UGT2B4: variants seen among roughly 807,000 people sequenced by gnomAD.
The protein encoded by UGT2B4 is UDP-glucuronosyltransferase 2B4.
Under a neutral mutation model 49.8 loss-of-function variants are expected in UGT2B4, and 49 were observed. The observed-to-expected ratio is 0.98, with a 90% confidence interval of 0.78 to 1.25. The LOEUF (loss-of-function observed/expected upper bound fraction) is 1.25. Among genes scored for constraint, UGT2B4 ranks in the 50% most tolerant of loss-of-function variants. The pLI, the probability that UGT2B4 is intolerant of heterozygous loss-of-function variation, is 0.00. For synonymous variants in UGT2B4, 246 were observed against 217.7 expected (o/e 1.13, Z -1.14); for missense variants, 729 against 627.7 (o/e 1.16, Z -1.73).
chr4:69,492,021 A>G (rs1177094891), intron 2 of UGT2B4, among the ~76,000 whole-genome samples: 3 of 152,120 alleles, frequency 2.0e-5, no homozygotes, highest in Non-Finnish European at 1.5e-5. Flanking sequence ...GGTGATATCA[A>G]TTTAAAATAT....
Position 69,486,209 on chromosome 4 carries a change from G to T in UGT2B4, c.1090+400C>A, listed in dbSNP as rs530087751. 3.9e-5 allele frequency among the ~76,000 whole-genome samples: 6 copies of T among 152,246 alleles called. No homozygotes were observed. The South Asian group carries it at 1.2e-3, about 32-fold the overall frequency. On this transcript the variant is annotated intron_variant, in intron 4 of 5. Coordinates refer to ENST00000305107, the MANE Select transcript of UGT2B4 (RefSeq NM_021139.3). ...TCATCACTTTTTGATTAAGATTAGG[G>T]ATTTAATCCTACAGAAAATGCAGCA...
intron 1 of UGT2B4, 85 bp from the exon 2 acceptor site, chr4:69,493,926 G>C: frequency 3.4e-6 from 5 of 1,459,278 alleles, no homozygotes; most frequent in Non-Finnish European, 3.6e-6. Flanking sequence ...AATAATGTGG[G>C]CAAAAATGTA....
At chr4:69,502,130 T>TTTC (rs1577895691) in intron 1 of UGT2B4, among the ~76,000 whole-genome samples, 3 of 143,182 alleles carry the variant, frequency 2.1e-5, no homozygotes, top group Non-Finnish European at 3.0e-5. Flanking sequence ...TCTTTCTTTC[T>TTTC]TTCTTTCTTT....
intron 5 of UGT2B4, among the ~76,000 whole-genome samples, chr4:69,484,908 T>C (rs1296878042): frequency 6.6e-6 from 1 of 152,184 alleles, no homozygotes; most frequent in East Asian, 1.9e-4. Context: ...GTCAAGTTTA[T>C]CTTTCCTTTC....
chr4:69,512,551 G>A (rs1728632552), intron 1 of UGT2B4, among the ~76,000 whole-genome samples: 1 of 152,044 alleles, frequency 6.6e-6, no homozygotes, highest in African/African-American at 2.4e-5. Flanking sequence ...TTTGCTTTGT[G>A]ACTTAACGTG....
intron 3 of UGT2B4, 53 bp downstream of exon 3, chr4:69,489,386 C>T: frequency 1.9e-6 from 3 of 1,595,432 alleles, no homozygotes; most frequent in South Asian, 2.2e-5. Flanking sequence ...TCTTTACAAA[C>T]TTTAACAGCC....
intron 1 of UGT2B4, among the ~76,000 whole-genome samples, chr4:69,516,812 T>G (rs983866563): frequency 6.6e-6 from 1 of 152,084 alleles, no homozygotes; most frequent in East Asian, 1.9e-4. Context: ...TTTGCCATGA[T>G]GGCCAGGCTG....
At chr4:69,489,730 T>A (rs1444563083) in intron 2 of UGT2B4, among the ~76,000 whole-genome samples, 160 bp from the exon 3 acceptor site, 1 of 152,124 alleles carries the variant, frequency 6.6e-6, no homozygotes, top group Non-Finnish European at 1.5e-5. Flanking sequence ...TTTTGCAATA[T>A]GTATAATATG....
intron 5 of UGT2B4, among the ~76,000 whole-genome samples, chr4:69,483,721 C>T (rs1046042828): frequency 5.3e-5 from 8 of 151,868 alleles, no homozygotes; most frequent in African/African-American, 1.9e-4. Flanking sequence ...GTTATGAATG[C>T]TGAATTGATA....
chr4:69,500,620 A>AGAAG (rs1728287001), upstream of UGT2B4, among the ~76,000 whole-genome samples: 1 of 128,988 alleles, frequency 7.8e-6, no homozygotes, highest in Non-Finnish European at 1.8e-5. Flanking sequence ...AAAGAAAGAA[A>AGAAG]GAAAGAAAGA....
At chr4:69,493,183 A>G (rs1379366604) in intron 2 of UGT2B4, among the ~76,000 whole-genome samples, 3 of 151,922 alleles carry the variant, frequency 2.0e-5, no homozygotes, top group East Asian at 1.9e-4. Flanking sequence ...CTATTCCTGC[A>G]TATAGTTCAG....
At chr4:69,525,759 C>T (rs769292507) in exon 1 of UGT2B4, 1 of 1,247,164 alleles carries the variant, frequency 8.0e-7, no homozygotes, top group South Asian at 1.3e-5. Context: ...TCAAGCAGCT[C>T]ACATGTTTAT....
intron 1 of UGT2B4, among the ~76,000 whole-genome samples, chr4:69,516,451 A>G (rs1728736004): frequency 6.6e-6 from 1 of 152,184 alleles, no homozygotes. Context: ...TCCCACCAGC[A>G]GTATAAAAGT....
upstream of UGT2B4, among the ~76,000 whole-genome samples, chr4:69,500,669 G>GAAAGAAAGAAAGAAAGAAAGA (rs1194966473): frequency 9.3e-6 from 1 of 107,054 alleles, no homozygotes; most frequent in African/African-American, 2.9e-5. Flanking sequence ...AAGAAAGAAA[G>GAAAGAAAGAAAGAAAGAAAGA]GAAGGAAAGA....
chr4:69,519,180 A>G (rs546996317), intron 1 of UGT2B4, among the ~76,000 whole-genome samples: 1 of 152,272 alleles, frequency 6.6e-6, no homozygotes, highest in African/African-American at 2.4e-5. Flanking sequence ...AGGTAAAAAG[A>G]TTTACTCAGA....
At chr4:69,506,295 AT>A (rs1049355616) in intron 1 of UGT2B4, among the ~76,000 whole-genome samples, 11 of 152,096 alleles carry the variant, frequency 7.2e-5, no homozygotes, top group South Asian at 6.2e-4. Context: ...GAATCTGGGT[AT>A]TTTTTTGAAA....
intron 1 of UGT2B4, among the ~76,000 whole-genome samples, chr4:69,503,945 C>T (rs563421053): frequency 2.0e-5 from 3 of 152,292 alleles, no homozygotes; most frequent in East Asian, 3.9e-4. Context: ...AGTTAAAGCA[C>T]GTGGTCCAGG....
chr4:69,522,843 T>C (rs1728879470), intron 1 of UGT2B4, among the ~76,000 whole-genome samples: 2 of 152,218 alleles, frequency 1.3e-5, no homozygotes, highest in South Asian at 4.1e-4. Context: ...TCTCTCAAAC[T>C]CTGCTGCTGA....
At chr4:69,505,399 A>G (rs902818793) in intron 1 of UGT2B4, among the ~76,000 whole-genome samples, 1 of 152,178 alleles carries the variant, frequency 6.6e-6, no homozygotes, top group African/African-American at 2.4e-5. Flanking sequence ...CAGATAAAAA[A>G]CAGAAAAAAA....
Sources: allele counts gnomAD v4.1 joint callset (sites outside exome capture counted in the v4.1 genomes callset), GRCh38; gene constraint gnomAD v4.1.1; transcripts MANE v1.5; gene names NCBI Gene and HGNC (gene_info 2026-07-23, HGNC 2026-07-21).